The following ECHDC1 variants were observed in gnomAD, a reference collection of about 807,000 sequenced individuals.
The protein encoded by ECHDC1 is ethylmalonyl-CoA decarboxylase.
In ECHDC1, 29 loss-of-function variants were observed where a neutral mutation model predicts 29.7. The ratio of observed to expected loss-of-function variants is 0.98; its 90% CI spans 0.73 to 1.33. The LOEUF is 1.33. Ranked by LOEUF, ECHDC1 falls within the 40% of genes most tolerant of loss-of-function variation. The pLI is 0.00. For missense variants in ECHDC1, 328 were observed against 350.0 expected (o/e 0.94, Z 0.50); for synonymous variants, 126 against 123.1 (o/e 1.02, Z -0.15).
chr6:127,316,535 A>G (rs754199558), intron 3 of ECHDC1, 33 bp from the exon 4 acceptor site: 1 of 1,540,370 alleles, frequency 6.5e-7, no homozygotes, highest in South Asian at 1.2e-5. Flanking sequence ...ACACAAAGGT[A>G]TAATGCAAAT....
chr6:127,323,359 T>A (rs1402311674), intron 3 of ECHDC1, among the ~76,000 whole-genome samples: 1 of 152,144 alleles, frequency 6.6e-6, no homozygotes, highest in Non-Finnish European at 1.5e-5. Flanking sequence ...CTTAGTGCTA[T>A]AACCGTTCAG....
At chr6:127,305,824 A>G (rs568286464) in intron 5 of ECHDC1, among the ~76,000 whole-genome samples, 1 of 152,260 alleles carries the variant, frequency 6.6e-6, no homozygotes, top group East Asian at 1.9e-4. Flanking sequence ...AAAACAATTA[A>G]AAGCAAGAAG....
At chr6:127,315,332 T>C (rs1342765129) in intron 4 of ECHDC1, 21 of 343,290 alleles carry the variant, frequency 6.1e-5, no homozygotes, top group Non-Finnish European at 1.1e-4. Context: ...TTTCCAAAGG[T>C]TGGAAATGTG....
At chr6:127,337,263 C>T (rs1784507506) in intron 1 of ECHDC1, among the ~76,000 whole-genome samples, 1 of 152,150 alleles carries the variant, frequency 6.6e-6, no homozygotes, top group Admixed American at 6.6e-5. Flanking sequence ...CTTTCCAGAT[C>T]CAGGAGATAA....
At chr6:127,294,619 G>A (rs1780445246) in intron 5 of ECHDC1, 1 of 152,124 alleles carries the variant, frequency 6.6e-6, no homozygotes, top group South Asian at 2.1e-4. Context: ...TTTATTTGTT[G>A]TGTGGTTGTG....
chr6:127,339,731 C>G (rs6569484), intron 1 of ECHDC1, among the ~76,000 whole-genome samples: 21,696 of 150,508 alleles, frequency 0.14, 2,985 homozygotes, highest in East Asian at 0.57. Flanking sequence ...CAAGATCACA[C>G]CACTGCACTC....
rs773953497 is a variant in ECHDC1 at position 127,289,302 on chromosome 6, T to C, written c.*567A>G. On this transcript the variant is annotated 3_prime_UTR_variant, in exon 6 of 6. Transcript: ENST00000454859. The stretch of plus-strand genomic sequence containing the variant: ...GTAATTTACAATAGAAAACTAATTA[T>C]TGAAAAGAACAAAGTTCCAAATTTG... The C allele has an allele frequency of 3.3e-5, 5 of 152,098 alleles. No individual in the cohort carries two copies. The highest frequency in any genetic ancestry group is 5.9e-5 in the Non-Finnish European group (4 of 68,020). 9.4% of individuals were successfully genotyped at this position (152,098 alleles called of 1,614,324 possible). A position where few individuals can be genotyped will look rare whatever the true frequency, so the allele number is the denominator to read the frequency against.
At chr6:127,317,620 G>C (rs762455071) in intron 3 of ECHDC1, among the ~76,000 whole-genome samples, 1 of 152,128 alleles carries the variant, frequency 6.6e-6, no homozygotes, top group Non-Finnish European at 1.5e-5. Flanking sequence ...CTCTATAAAA[G>C]ATTGCATAAG....
At chr6:127,331,255 C>G (rs1266446947) in intron 1 of ECHDC1, among the ~76,000 whole-genome samples, 1 of 151,888 alleles carries the variant, frequency 6.6e-6, no homozygotes, top group Non-Finnish European at 1.5e-5. Context: ...AAACGATTCT[C>G]CTATCTCAGC....
chr6:127,343,492 C>G lies in ECHDC1; in HGVS notation c.-159G>C, dbSNP rs975890163. ...TTCTCCGCGTCTTCTCTTTTACTAT[C>G]CCACGCTCTCCTTTCCTTTCTCCGG... is the stretch of plus-strand genomic sequence containing the variant. On this transcript the variant is annotated 5_prime_UTR_variant, in exon 1 of 6. Transcript: ENST00000454859. 7.2e-5 allele frequency: 11 copies of G among 152,216 alleles called. No homozygotes were observed. Among genetic ancestry groups the G allele is most frequent in the African/African-American group, 2.4e-4 (10 of 41,500 alleles). The allele number at this position is 152,216 out of a possible 1,614,324, so 9.4% of individuals were successfully genotyped here.
At chr6:127,320,519 G>T (rs1004906792) in intron 3 of ECHDC1, among the ~76,000 whole-genome samples, 2 of 152,150 alleles carry the variant, frequency 1.3e-5, no homozygotes, top group Admixed American at 1.3e-4. Context: ...GTTTCTAAAT[G>T]CCAGACTTTT....
chr6:127,341,749 G>A (rs1784966335), intron 1 of ECHDC1: 1 of 152,186 alleles, frequency 6.6e-6, no homozygotes, highest in Non-Finnish European at 1.5e-5. Flanking sequence ...TAAGTGAGAT[G>A]TTCTCTAAAA....
At chr6:127,298,797 T>C (rs576240471) in intron 5 of ECHDC1, among the ~76,000 whole-genome samples, 3 of 152,262 alleles carry the variant, frequency 2.0e-5, no homozygotes, top group South Asian at 4.1e-4. Context: ...TACAGAAGTA[T>C]AGCACATACA....
At chr6:127,327,821 T>C (rs1004991017) in intron 2 of ECHDC1, among the ~76,000 whole-genome samples, 1 of 152,214 alleles carries the variant, frequency 6.6e-6, no homozygotes, top group African/African-American at 2.4e-5. Flanking sequence ...TTCTTTATAA[T>C]AGACAAATTT....
chr6:127,332,602 G>T (rs1784061569), intron 1 of ECHDC1, among the ~76,000 whole-genome samples: 1 of 152,072 alleles, frequency 6.6e-6, no homozygotes, highest in African/African-American at 2.4e-5. Flanking sequence ...TGGATGTAGG[G>T]GAGTTCTTCC....
intron 5 of ECHDC1, among the ~76,000 whole-genome samples, chr6:127,301,305 AT>A (rs1399235359): frequency 6.6e-6 from 1 of 152,178 alleles, no homozygotes; most frequent in Non-Finnish European, 1.5e-5. Flanking sequence ...ACATGAGTTC[AT>A]TTCTTTTATA....
chr6:127,329,061 A>G (rs1783657477), intron 2 of ECHDC1, among the ~76,000 whole-genome samples: 1 of 151,838 alleles, frequency 6.6e-6, no homozygotes, highest in African/African-American at 2.4e-5. Flanking sequence ...AAAATAAATA[A>G]ATAAAAAAAA....
chr6:127,314,697 C>A, intron 5 of ECHDC1, 119 bp downstream of exon 5: 1 of 716,504 alleles, frequency 1.4e-6, no homozygotes, highest in Non-Finnish European at 2.2e-6. Context: ...AGAAAACATT[C>A]AGAAAAGAAA....
chr6:127,306,431 AT>A (rs1781444807), intron 5 of ECHDC1, among the ~76,000 whole-genome samples: 3 of 152,268 alleles, frequency 2.0e-5, no homozygotes, highest in Middle Eastern at 3.4e-3. Context: ...TAGAATTGTA[AT>A]CCCTAATGTT....
Sources: gnomAD v4.1 joint callset for allele counts (sites outside exome capture counted in the v4.1 genomes callset) on GRCh38, gnomAD v4.1.1 for gene constraint, MANE v1.5 for transcripts, NCBI Gene and HGNC (gene_info 2026-07-23, HGNC 2026-07-21) for gene names.